The following MTUS2 variants were observed in gnomAD, a reference collection of about 807,000 sequenced individuals.
MTUS2 encodes microtubule-associated tumor suppressor candidate 2.
MTUS2 carries 40 observed loss-of-function variants against 114.1 expected under a neutral mutation model. The observed-to-expected ratio is 0.35, with a 90% confidence interval of 0.27 to 0.46. The LOEUF (loss-of-function observed/expected upper bound fraction) is 0.46. Ranked by LOEUF, MTUS2 falls within the 20% of genes least tolerant of loss-of-function variation. MTUS2 has a pLI of 1.00. For missense variants in MTUS2, 1,679 were observed against 1,705.4 expected, an observed-to-expected ratio of 0.98 and a Z score of 0.27; for synonymous variants, 688 against 672.0, an observed-to-expected ratio of 1.02 and a Z score of -0.37.
In MTUS2 at chr13:29,496,073, G is replaced by A. The variant is rs1274181805; in HGVS notation, c.3580-1165G>A. Among the ~76,000 whole-genome samples the A allele has an allele frequency of 1.3e-5, 2 of 152,218 alleles. No homozygotes were observed. Among genetic ancestry groups the A allele is most frequent in the Non-Finnish European group, 2.9e-5 (2 of 68,042 alleles). On this transcript the variant is annotated intron_variant, in intron 12 of 15. Coordinates refer to ENST00000612955, the MANE Select transcript of MTUS2 (RefSeq NM_001033602.4). The surrounding 1 kb of genome is among the most constrained non-coding windows in gnomAD (Gnocchi z 4.3). ...TCTGCATGAGTGAGACATGAAGGGTGAAGGTCTCCTTGGGCATCAGTGGTC... is the reference window on the plus strand; with the variant it reads ...TCTGCATGAGTGAGACATGAAGGGTAAAGGTCTCCTTGGGCATCAGTGGTC...
At chr13:29,156,162 ATAAT>A (rs1051140766) in intron 5 of MTUS2, among the ~76,000 whole-genome samples, 6 of 152,158 alleles carry the variant, frequency 3.9e-5, no homozygotes, top group Non-Finnish European at 7.3e-5. Flanking sequence ...AGTGTTATAA[ATAAT>A]TGTGCAGTGA....
chr13:29,254,279 A>G (rs191869112), intron 5 of MTUS2, among the ~76,000 whole-genome samples: 212 of 152,276 alleles, frequency 1.4e-3, no homozygotes, highest in African/African-American at 5.0e-3. Context: ...GTTCTTTTTA[A>G]TGAGATGTAT....
chr13:28,983,625 C>T (rs1884453696), intron 2 of MTUS2, among the ~76,000 whole-genome samples: 1 of 152,098 alleles, frequency 6.6e-6, no homozygotes, highest in Non-Finnish European at 1.5e-5. Flanking sequence ...CATTGTATTT[C>T]TGTTGACTAG....
chr13:28,966,757 T>C (rs1417035304), intron 2 of MTUS2, among the ~76,000 whole-genome samples: 1 of 142,692 alleles, frequency 7.0e-6, no homozygotes, highest in Admixed American at 6.9e-5. Context: ...AACAAAGAAC[T>C]GATTATTATT....
chr13:29,015,530 A>G (rs986728106), intron 2 of MTUS2, among the ~76,000 whole-genome samples: 4 of 152,186 alleles, frequency 2.6e-5, no homozygotes, highest in Non-Finnish European at 4.4e-5. Flanking sequence ...GCTGGAGCTT[A>G]AGAGTTCTGT....
intron 2 of MTUS2, among the ~76,000 whole-genome samples, chr13:28,849,155 A>T (rs191936131): frequency 1.9e-3 from 286 of 152,364 alleles, no homozygotes; most frequent in Middle Eastern, 3.4e-3. Context: ...TTTGTTTGTT[A>T]AATGCATAAG....
intron 8 of MTUS2, among the ~76,000 whole-genome samples, chr13:29,402,987 G>A (rs1446417699): frequency 2.0e-5 from 3 of 151,930 alleles, no homozygotes; most frequent in South Asian, 4.2e-4. Flanking sequence ...TGCCTGCCTC[G>A]GCCTCCCAAG....
intron 2 of MTUS2, among the ~76,000 whole-genome samples, chr13:29,010,205 C>A (rs1408860866): frequency 6.7e-5 from 8 of 119,548 alleles, no homozygotes; most frequent in African/African-American, 2.4e-4. Context: ...AGCAAGACTC[C>A]GTCTCAAAAA....
chr13:29,368,926 A>T (rs1870967357), intron 8 of MTUS2, among the ~76,000 whole-genome samples: 1 of 152,176 alleles, frequency 6.6e-6, no homozygotes, highest in South Asian at 2.1e-4. Context: ...TGCATCCTTC[A>T]TGGGGCCAGG....
chr13:29,089,813 A>G (rs1054010027), intron 4 of MTUS2, among the ~76,000 whole-genome samples: 1 of 152,168 alleles, frequency 6.6e-6, no homozygotes, highest in Non-Finnish European at 1.5e-5. Context: ...TCTTTCTTAA[A>G]ATGGATATGT....
chr13:28,837,138 T>C (rs1875143006), intron 1 of MTUS2, among the ~76,000 whole-genome samples: 1 of 152,208 alleles, frequency 6.6e-6, no homozygotes, highest in Admixed American at 6.5e-5. Flanking sequence ...TAGCTCCTGT[T>C]CTTCATTGTA....
chr13:29,029,213 G>C (rs1299803475), intron 3 of MTUS2, among the ~76,000 whole-genome samples: 1 of 152,160 alleles, frequency 6.6e-6, no homozygotes, highest in Non-Finnish European at 1.5e-5. Context: ...TCTAGAGAGA[G>C]GATTCTGGCT....
At chr13:29,289,773 G>A (rs973017507) in intron 6 of MTUS2, among the ~76,000 whole-genome samples, 1 of 152,080 alleles carries the variant, frequency 6.6e-6, no homozygotes, top group Non-Finnish European at 1.5e-5. Flanking sequence ...CCCAAAGTAG[G>A]CATTTCATAA....
At chr13:29,319,122 A>G (rs973660171) in intron 6 of MTUS2, among the ~76,000 whole-genome samples, 3 of 152,176 alleles carry the variant, frequency 2.0e-5, no homozygotes, top group East Asian at 1.9e-4. Context: ...ATACGGCCCC[A>G]TGAGAGAAGA....
At chr13:28,822,616 C>T (rs907769334) in intron 1 of MTUS2, among the ~76,000 whole-genome samples, 1 of 152,144 alleles carries the variant, frequency 6.6e-6, no homozygotes, top group African/African-American at 2.4e-5. Context: ...GTCACAGAGG[C>T]TTCTTTGGAG....
chr13:28,999,991 A>G (rs575387814), intron 2 of MTUS2, among the ~76,000 whole-genome samples: 2 of 152,330 alleles, frequency 1.3e-5, no homozygotes, highest in East Asian at 3.9e-4. Flanking sequence ...CATTGTGTAT[A>G]TCTACCACAT....
At chr13:29,343,204 C>A (rs1225397647) in intron 7 of MTUS2, among the ~76,000 whole-genome samples, 4 of 151,554 alleles carry the variant, frequency 2.6e-5, no homozygotes, top group Admixed American at 2.0e-4. Flanking sequence ...CCCTCTTTGT[C>A]TTTTGAATTA....
In MTUS2 at chr13:29,498,586, T is replaced by A. The variant is rs201201936; in HGVS notation, c.3798+49T>A. ...AGAGTAACCTCCATGACATTCCTGC[T>A]GTCATCACTGATGTCATCGTTGATG... On this transcript the variant is annotated intron_variant, in intron 14 of 15. Coordinates refer to ENST00000612955, the MANE Select transcript of MTUS2 (RefSeq NM_001033602.4). 1.7e-5 allele frequency: 27 copies of A among 1,610,226 alleles called. No individual in the cohort carries two copies. The Admixed American group carries it at 2.5e-4, about 15-fold the overall frequency.
At chr13:29,421,017 C>T (rs928794927) in intron 8 of MTUS2, among the ~76,000 whole-genome samples, 1 of 152,174 alleles carries the variant, frequency 6.6e-6, no homozygotes, top group African/African-American at 2.4e-5. Context: ...TATCTGAGAA[C>T]ATATCTCAGA....
Sources: gnomAD v4.1 joint callset for allele counts (sites outside exome capture counted in the v4.1 genomes callset) on GRCh38, gnomAD v4.1.1 for gene constraint, Gnocchi (gnomAD v3.1) non-coding constraint, MANE v1.5 for transcripts, NCBI Gene and HGNC (gene_info 2026-07-23, HGNC 2026-07-21) for gene names.